CACNA2D3: variants seen among roughly 807,000 people sequenced by gnomAD.
The protein encoded by CACNA2D3 is voltage-dependent calcium channel subunit alpha-2/delta-3.
Under a neutral mutation model 160.6 loss-of-function variants are expected in CACNA2D3, and 60 were observed. The observed-to-expected ratio is 0.37, with a 90% CI of 0.30 to 0.46. The LOEUF is 0.46. Ranked by LOEUF, CACNA2D3 falls within the 20% of genes least tolerant of loss-of-function variation. The pLI is 1.00. For synonymous variants in CACNA2D3, 558 were observed against 492.9 expected, an observed-to-expected ratio of 1.13 and a Z score of -1.75; for missense variants, 1,205 against 1,365.0, an observed-to-expected ratio of 0.88 and a Z score of 1.85.
chr3:55,004,661 G>A (rs1435575757), intron 31 of CACNA2D3, 102 bp from the exon 32 acceptor site: 20 of 748,976 alleles, frequency 2.7e-5, no homozygotes, highest in South Asian at 1.5e-4. Context: ...GTTTGTCACC[G>A]TTGCACTTGA....
intron 3 of CACNA2D3, among the ~76,000 whole-genome samples, chr3:54,347,425 A>T (rs1477577310): frequency 6.6e-6 from 1 of 152,180 alleles, no homozygotes; most frequent in African/African-American, 2.4e-5. Context: ...GACCAGCTGA[A>T]GTGGGGATCT....
At chr3:54,433,794 T>A (rs1378702854) in intron 4 of CACNA2D3, among the ~76,000 whole-genome samples, 1 of 152,176 alleles carries the variant, frequency 6.6e-6, no homozygotes, top group African/African-American at 2.4e-5. Context: ...GAAAAGCCTG[T>A]TCCTCCTAGA....
intron 2 of CACNA2D3, among the ~76,000 whole-genome samples, chr3:54,251,813 G>A (rs1702194077): frequency 6.6e-6 from 1 of 152,182 alleles, no homozygotes; most frequent in Non-Finnish European, 1.5e-5. Context: ...GGTTCCCAGA[G>A]GCTAGTTAGA....
At chr3:54,140,444 C>T (rs967878387) in intron 2 of CACNA2D3, among the ~76,000 whole-genome samples, 3 of 152,222 alleles carry the variant, frequency 2.0e-5, no homozygotes, top group African/African-American at 7.2e-5. Flanking sequence ...TCCACTCGCC[C>T]CACTTTCTCT....
intron 12 of CACNA2D3, among the ~76,000 whole-genome samples, chr3:54,763,282 C>A (rs925086484): frequency 6.6e-6 from 1 of 151,904 alleles, no homozygotes; most frequent in Non-Finnish European, 1.5e-5. Flanking sequence ...TACTTGATGC[C>A]TGAGAGAACA....
chr3:54,982,957 A>C (rs1272457360), intron 29 of CACNA2D3, among the ~76,000 whole-genome samples: 1 of 152,030 alleles, frequency 6.6e-6, no homozygotes, highest in African/African-American at 2.4e-5. Context: ...GTTGTATCTT[A>C]TGCCGACCTA....
intron 17 of CACNA2D3, among the ~76,000 whole-genome samples, chr3:54,850,380 G>A (rs1699031395): frequency 6.6e-6 from 1 of 152,188 alleles, no homozygotes; most frequent in African/African-American, 2.4e-5. Context: ...TTTTTGAGTT[G>A]TTATGATGCC....
chr3:54,721,195 CTATT>C (rs993201288), intron 11 of CACNA2D3, among the ~76,000 whole-genome samples: 1 of 152,142 alleles, frequency 6.6e-6, no homozygotes, highest in African/African-American at 2.4e-5. Flanking sequence ...CAGTTTACCT[CTATT>C]TAAGCTCACC....
intron 3 of CACNA2D3, among the ~76,000 whole-genome samples, chr3:54,345,288 A>G (rs923976622): frequency 6.6e-6 from 1 of 152,242 alleles, no homozygotes; most frequent in Admixed American, 6.5e-5. Flanking sequence ...TTCCTGTAAC[A>G]CAACCTCCAG....
intron 4 of CACNA2D3, among the ~76,000 whole-genome samples, chr3:54,405,056 A>G (rs1341133895): frequency 6.6e-6 from 1 of 151,862 alleles, no homozygotes; most frequent in African/African-American, 2.4e-5. Context: ...AATTGGAAGA[A>G]TTAATATTGT....
chr3:54,734,766 T>A (rs777135568), intron 11 of CACNA2D3, among the ~76,000 whole-genome samples: 2 of 152,216 alleles, frequency 1.3e-5, no homozygotes, highest in Non-Finnish European at 2.9e-5. Context: ...GGATAATAAC[T>A]GGTTGTCAGA....
chr3:54,855,328 G>A (rs1161753598), intron 17 of CACNA2D3, among the ~76,000 whole-genome samples: 1 of 152,164 alleles, frequency 6.6e-6, no homozygotes, highest in Non-Finnish European at 1.5e-5. Context: ...GACCCTTCAT[G>A]CAGATGGGTG....
rs147603421 is a variant in CACNA2D3, at chr3:55,054,648, C to T, written c.2988-18797C>T. 8.1e-3 allele frequency among the ~76,000 whole-genome samples: 1,229 copies of T among 151,152 alleles called. 7 individuals are homozygous for T. Among genetic ancestry groups the T allele is most frequent in the Non-Finnish European group, 0.014 (948 of 67,692 alleles). On this transcript the variant is annotated intron_variant, in intron 35 of 37. Transcript: ENST00000474759. ...TTACCATTATCTACTAACTCTAATA[C>T]CTGGGCCAGATGTTGGTCTATCTTT...
At chr3:54,158,791 T>A (rs1251317184) in intron 2 of CACNA2D3, among the ~76,000 whole-genome samples, 2 of 152,250 alleles carry the variant, frequency 1.3e-5, no homozygotes, top group African/African-American at 4.8e-5. Flanking sequence ...CCTGCCCATC[T>A]GCATACATGC....
intron 4 of CACNA2D3, among the ~76,000 whole-genome samples, chr3:54,409,702 A>G (rs1699634172): frequency 6.6e-6 from 1 of 152,220 alleles, no homozygotes; most frequent in South Asian, 2.1e-4. Flanking sequence ...GCTGATATGG[A>G]GAAATTTTAG....
chr3:54,971,383 CCT>C (rs1575415330), intron 29 of CACNA2D3, among the ~76,000 whole-genome samples: 1 of 152,168 alleles, frequency 6.6e-6, no homozygotes, highest in East Asian at 1.9e-4. Flanking sequence ...GTCTCGAGGC[CCT>C]GTGTTAAGCT....
chr3:54,978,635 T>C (rs1306352016), intron 29 of CACNA2D3, among the ~76,000 whole-genome samples: 1 of 152,176 alleles, frequency 6.6e-6, no homozygotes, highest in Non-Finnish European at 1.5e-5. Flanking sequence ...CCAAGTAAAC[T>C]AAATAAGGCG....
intron 35 of CACNA2D3, among the ~76,000 whole-genome samples, chr3:55,020,861 A>AT (rs989115418): frequency 6.6e-6 from 1 of 152,082 alleles, no homozygotes; most frequent in Non-Finnish European, 1.5e-5. Context: ...AAAAAAAAAA[A>AT]AGTAATAATA....
intron 3 of CACNA2D3, among the ~76,000 whole-genome samples, chr3:54,383,469 C>T (rs1373206060): frequency 6.6e-6 from 1 of 152,198 alleles, no homozygotes; most frequent in African/African-American, 2.4e-5. Context: ...TCATAAGAAA[C>T]AACCATTACT....
Sources: allele counts gnomAD v4.1 joint callset (sites outside exome capture counted in the v4.1 genomes callset), GRCh38; gene constraint gnomAD v4.1.1; transcripts MANE v1.5; gene names NCBI Gene and HGNC (gene_info 2026-07-23, HGNC 2026-07-21).